The following GRIA3 variants were observed in gnomAD, a reference collection of about 807,000 sequenced individuals.
GRIA3 encodes the protein glutamate ionotropic receptor AMPA type subunit 3.
A neutral mutation model predicts 63.0 loss-of-function variants in GRIA3; 3 were observed. The ratio of observed to expected loss-of-function variants is 0.05; its 90% CI spans 0.02 to 0.12. The LOEUF (loss-of-function observed/expected upper bound fraction) is 0.12. Ranked by LOEUF, GRIA3 falls within the 10% of genes least tolerant of loss-of-function variation. The pLI is 1.00. For missense variants in GRIA3, 347 were observed against 700.9 expected (o/e 0.50, Z 5.70); for synonymous variants, 274 against 257.9 (o/e 1.06, Z -0.60).
intron 3 of GRIA3, among the ~76,000 whole-genome samples, chrX:123,303,479 T>C (rs1216313103): frequency 1.8e-5 from 2 of 111,432 alleles, no homozygotes; most frequent in Admixed American, 9.6e-5. Flanking sequence ...TAAGCTTCAC[T>C]ATGTAAACAT....
At chrX:123,193,262 C>A (rs1315089969) in intron 2 of GRIA3, among the ~76,000 whole-genome samples, 1 of 110,196 alleles carries the variant, frequency 9.1e-6, no homozygotes, top group Non-Finnish European at 1.9e-5. Flanking sequence ...GTGACACTGT[C>A]TTGGCTTCTT....
At chrX:123,185,780 TGGCCCTAGTGTG>T in intron 1 of GRIA3, 40 bp from the exon 2 acceptor site, 1 of 1,082,233 alleles carries the variant, frequency 9.2e-7, no homozygotes, top group South Asian at 1.9e-5. Flanking sequence ...AATTCCTAAC[TGGCCCTAGTGTG>T]GGGGAACACA....
At chrX:123,316,679 T>C (rs2044833651) in intron 3 of GRIA3, among the ~76,000 whole-genome samples, 1 of 112,434 alleles carries the variant, frequency 8.9e-6, no homozygotes, top group Admixed American at 9.4e-5. Context: ...AAGGTTGGAA[T>C]ACTATGTCAT....
At chrX:123,454,642 T>C (rs910038575) in intron 12 of GRIA3, among the ~76,000 whole-genome samples, 2 of 111,257 alleles carry the variant, frequency 1.8e-5, no homozygotes, top group African/African-American at 3.3e-5. Flanking sequence ...CCCCAAGTTG[T>C]GACAATGAAA....
chrX:123,398,442 C>G (rs2045425588), intron 6 of GRIA3, among the ~76,000 whole-genome samples, 194 bp from the exon 7 acceptor site: 1 of 111,721 alleles, frequency 9.0e-6, no homozygotes. Context: ...ATAATTGTAA[C>G]ACATGCACAC....
intron 13 of GRIA3, among the ~76,000 whole-genome samples, chrX:123,479,038 G>A (rs140149649): frequency 0.025 from 2,866 of 112,919 alleles, 33 homozygotes; most frequent in Non-Finnish European, 0.038. Flanking sequence ...GTAGGGTTTC[G>A]GGCACTTGCC....
chrX:123,429,878 A>T lies in GRIA3; in HGVS notation c.2076+1739A>T, dbSNP rs746495490. ...TAGAGGTTAGAAAGTTGTGCTTTAAATGGTAATCAATAAACGGCATCAATT... is the reference window on the plus strand; with the variant it reads ...TAGAGGTTAGAAAGTTGTGCTTTAATTGGTAATCAATAAACGGCATCAATT... On this transcript the variant is annotated intron_variant, in intron 12 of 15. Transcript: ENST00000620443. 8.0e-5 allele frequency among the ~76,000 whole-genome samples: 9 copies of T among 112,359 alleles called. No individual in the cohort carries two copies. In the South Asian group the frequency reaches 3.0e-3, roughly 37 times the overall value.
intron 13 of GRIA3, among the ~76,000 whole-genome samples, chrX:123,470,526 TG>T (rs1603175132): frequency 8.9e-6 from 1 of 111,998 alleles, no homozygotes; most frequent in African/African-American, 3.2e-5. Context: ...TAGCTATCTT[TG>T]TTTTTTTAAA....
At chrX:123,449,550 G>A (rs1368903668) in intron 12 of GRIA3, among the ~76,000 whole-genome samples, 1 of 111,945 alleles carries the variant, frequency 8.9e-6, no homozygotes, top group Admixed American at 9.5e-5. Flanking sequence ...CAGTCAGTGT[G>A]TTTGCCAGAC....
Position 123,184,440 on chromosome X carries a change from G to T in GRIA3, c.-96G>T, listed in dbSNP as rs751478629. ...AGCGAGAGCAAGTTAAGGGGAGGGGGTGTAAGAGCCAGCGAATTCTTTTTC... is the reference window on the plus strand; with the variant it reads ...AGCGAGAGCAAGTTAAGGGGAGGGGTTGTAAGAGCCAGCGAATTCTTTTTC... On this transcript the variant is annotated 5_prime_UTR_variant, in exon 1 of 16. Transcript: ENST00000620443. The T allele has an allele frequency of 2.9e-5, 19 of 665,837 alleles. No individual in the cohort carries two copies. The highest frequency in any genetic ancestry group is 1.3e-4 in the South Asian group (6 of 46,248). The allele number at this position is 665,837 out of a possible 1,213,427, so 54.9% of individuals were successfully genotyped here. A position where few individuals can be genotyped will look rare whatever the true frequency, so the allele number is the denominator to read the frequency against.
At chrX:123,426,468 G>C (rs1241286514) in intron 11 of GRIA3, among the ~76,000 whole-genome samples, 2 of 111,802 alleles carry the variant, frequency 1.8e-5, no homozygotes, top group Non-Finnish European at 3.8e-5. Context: ...CCAACCCCCA[G>C]GGTTATGATT....
At chrX:123,228,441 C>G (rs945359673) in intron 2 of GRIA3, among the ~76,000 whole-genome samples, 1 of 111,515 alleles carries the variant, frequency 9.0e-6, no homozygotes, top group African/African-American at 3.3e-5. Context: ...GGGGTAAGCT[C>G]AAGGCCAACT....
At chrX:123,287,154 T>C (rs1382975419) in intron 3 of GRIA3, among the ~76,000 whole-genome samples, 1 of 111,129 alleles carries the variant, frequency 9.0e-6, no homozygotes, top group Non-Finnish European at 1.9e-5. Context: ...ACAGAACCAA[T>C]GACAAAAACC....
At chrX:123,202,651 A>C in intron 2 of GRIA3, 2 of 1,166,440 alleles carry the variant, frequency 1.7e-6, no homozygotes, top group Non-Finnish European at 2.3e-6. Context: ...GCTGAAAGGG[A>C]CTACCTGCCT....
intron 3 of GRIA3, among the ~76,000 whole-genome samples, chrX:123,290,586 CTGTG>C (rs761564682): frequency 0.11 from 9,724 of 90,009 alleles, 462 homozygotes; most frequent in African/African-American, 0.16. Flanking sequence ...CCTCAAAGGA[CTGTG>C]TGTGTGTGTG....
chrX:123,332,706 G>A (rs2044949641), intron 4 of GRIA3, among the ~76,000 whole-genome samples: 1 of 111,174 alleles, frequency 9.0e-6, no homozygotes, highest in Non-Finnish European at 1.9e-5. Context: ...AAAAGAAGAT[G>A]GTCAGGAGCC....
intron 3 of GRIA3, among the ~76,000 whole-genome samples, chrX:123,305,564 C>A (rs1370963080): frequency 8.9e-6 from 1 of 112,219 alleles, no homozygotes; most frequent in Non-Finnish European, 1.9e-5. Flanking sequence ...AATGCCAATA[C>A]TGCTTTCGAG....
At chrX:123,356,564 T>C (rs1429816414) in intron 5 of GRIA3, among the ~76,000 whole-genome samples, 5 of 112,228 alleles carry the variant, frequency 4.5e-5, no homozygotes, top group African/African-American at 1.6e-4. Context: ...ATTGTATAGA[T>C]ACTATTACTT....
chrX:123,207,685 C>A (rs1927928194), intron 2 of GRIA3, among the ~76,000 whole-genome samples: 1 of 111,872 alleles, frequency 8.9e-6, no homozygotes, highest in African/African-American at 3.3e-5. Context: ...TTGCATGTGT[C>A]ACCACCATTA....
Sources: gnomAD v4.1 joint callset for allele counts (sites outside exome capture counted in the v4.1 genomes callset) on GRCh38, gnomAD v4.1.1 for gene constraint, MANE v1.5 for transcripts, NCBI Gene and HGNC (gene_info 2026-07-23, HGNC 2026-07-21) for gene names.